Variants in WDFY4 observed in about 807,000 individuals in gnomAD.
The protein encoded by WDFY4 is WDFY family member 4.
In WDFY4, 169 loss-of-function variants were observed where a neutral mutation model predicts 351.9. The observed-to-expected ratio is 0.48, with a 90% confidence interval of 0.42 to 0.55. The LOEUF (loss-of-function observed/expected upper bound fraction) is 0.55, where lower values mean the gene tolerates loss of function less well. Ranked by LOEUF, WDFY4 falls within the 20% of genes least tolerant of loss-of-function variation. WDFY4 has a pLI of 0.00. For missense variants in WDFY4, 3,803 were observed against 3,935.6 expected, an observed-to-expected ratio of 0.97 and a Z score of 0.90; for synonymous variants, 1,622 against 1,574.6, an observed-to-expected ratio of 1.03 and a Z score of -0.71.
chr10:48,897,233 A>C (rs1251706857), intron 44 of WDFY4, among the ~76,000 whole-genome samples: 1 of 152,110 alleles, frequency 6.6e-6, no homozygotes, highest in Non-Finnish European at 1.5e-5. Flanking sequence ...GGCAGCTTTC[A>C]CGTGTCAGCG....
In WDFY4 at chr10:48,946,027, A is replaced by G. The variant is rs1841027064; in HGVS notation, c.7750-13A>G. On this transcript the variant is annotated splice_polypyrimidine_tract_variant and intron_variant, in intron 49 of 61. Coordinates refer to ENST00000325239, the MANE Select transcript of WDFY4 (RefSeq NM_001394531.1). ...TCTGGGGAGTTAACTCCAGCTGCACATCTGCCTTCTAGACATTGAACTTGG... is the reference window on the plus strand; with the variant it reads ...TCTGGGGAGTTAACTCCAGCTGCACGTCTGCCTTCTAGACATTGAACTTGG... 1 of 1,525,262 alleles carries G rather than the reference A, an allele frequency of 6.6e-7. No individual in the cohort carries two copies. Among genetic ancestry groups the G allele is most frequent in the East Asian group, 2.5e-5 (1 of 40,010 alleles). 94.5% of individuals were successfully genotyped at this position (1,525,262 alleles called of 1,614,324 possible).
chr10:48,885,741 TATAG>T (rs1350079315), intron 43 of WDFY4, among the ~76,000 whole-genome samples: 1 of 152,078 alleles, frequency 6.6e-6, no homozygotes, highest in African/African-American at 2.4e-5. Context: ...TCTCTATATA[TATAG>T]ATAGATAGGT....
intron 39 of WDFY4, among the ~76,000 whole-genome samples, chr10:48,842,076 T>C (rs544047951): frequency 6.6e-6 from 1 of 152,138 alleles, no homozygotes; most frequent in East Asian, 1.9e-4. Context: ...CCTCAACTTC[T>C]TCTTGGATGA....
At chr10:48,930,888 G>T (rs1350812011) in intron 47 of WDFY4, among the ~76,000 whole-genome samples, 1 of 152,084 alleles carries the variant, frequency 6.6e-6, no homozygotes, top group Admixed American at 6.5e-5. Flanking sequence ...GTGTTCTCTG[G>T]CACACATGCA....
At chr10:48,732,849 A>G (rs1223420673) in intron 9 of WDFY4, among the ~76,000 whole-genome samples, 2 of 152,230 alleles carry the variant, frequency 1.3e-5, no homozygotes, top group Non-Finnish European at 2.9e-5. Flanking sequence ...TATGGAGGCC[A>G]GGATGGACCC....
chr10:48,755,242 T>A (rs568082054), intron 12 of WDFY4, among the ~76,000 whole-genome samples: 5 of 152,178 alleles, frequency 3.3e-5, no homozygotes, highest in Non-Finnish European at 4.4e-5. Context: ...ATTTTGTGTG[T>A]ATCAGTAGTT....
At chr10:48,789,837 G>A in intron 21 of WDFY4, 37 bp from the exon 22 acceptor site, 1 of 1,547,766 alleles carries the variant, frequency 6.5e-7, no homozygotes, top group Non-Finnish European at 8.7e-7. Flanking sequence ...TTCTTTTGCA[G>A]GACTTTCTTA....
chr10:48,805,296 A>G lies in WDFY4; in HGVS notation c.4521A>G (p.Ala1507=), dbSNP rs776039983. 41 of 1,546,770 alleles carry G rather than the reference A, an allele frequency of 2.7e-5. No individual in the cohort carries two copies. The highest frequency in any genetic ancestry group is 2.0e-5 in the Admixed American group (1 of 50,994). ...GPRNAEAAHQ[A]QLIPKLIFLF... ...GGAATGCTGAAGCTGCCCACCAGGC[A>G]CAGCTTATACCCAAGCTCATCTTCC... Residue 1507 remains alanine, a synonymous_variant, in exon 26 of 62, where the codon GCA becomes GCG. Coordinates refer to ENST00000325239, the MANE Select transcript of WDFY4 (RefSeq NM_001394531.1).
chr10:48,772,466 A>G (rs1347674362), intron 13 of WDFY4, among the ~76,000 whole-genome samples: 1 of 133,522 alleles, frequency 7.5e-6, no homozygotes, highest in Non-Finnish European at 1.6e-5. Context: ...TTGGGTGGGT[A>G]GGGCTCCATG....
chr10:48,921,035 C>T (rs1196984679), intron 47 of WDFY4, among the ~76,000 whole-genome samples: 4 of 151,958 alleles, frequency 2.6e-5, no homozygotes, highest in South Asian at 2.1e-4. Flanking sequence ...ATACCATGTT[C>T]GTGAATTGGA....
At chr10:48,689,837 C>T (rs1014438908) in intron 1 of WDFY4, among the ~76,000 whole-genome samples, 1 of 152,206 alleles carries the variant, frequency 6.6e-6, no homozygotes, top group Non-Finnish European at 1.5e-5. Flanking sequence ...CTTGTACTTG[C>T]AAGCTCACTT....
chr10:48,974,515 A>AAAAAAAAAAAAAAAAAAC, intron 57 of WDFY4, among the ~76,000 whole-genome samples: 1 of 20,918 alleles, frequency 4.8e-5, no homozygotes, highest in Non-Finnish European at 4.5e-4. Context: ...AAAAAAAAAA[A>AAAAAAAAAAAAAAAAAAC]AAAAAAAAAA....
chr10:48,962,777 G>C (rs1273001449), intron 53 of WDFY4, among the ~76,000 whole-genome samples: 1 of 152,210 alleles, frequency 6.6e-6, no homozygotes, highest in African/African-American at 2.4e-5. Context: ...CTCCATGTTT[G>C]AGTTGAGAAT....
At chr10:48,900,545 T>C (rs1475359546) in intron 46 of WDFY4, among the ~76,000 whole-genome samples, 2 of 152,206 alleles carry the variant, frequency 1.3e-5, no homozygotes, top group African/African-American at 4.8e-5. Flanking sequence ...TTTCCTGAAC[T>C]GAAGTGGCAT....
chr10:48,701,424 C>G (rs776361868), intron 1 of WDFY4, among the ~76,000 whole-genome samples: 9 of 152,182 alleles, frequency 5.9e-5, no homozygotes, highest in Non-Finnish European at 1.0e-4. Context: ...TTTGGGTATA[C>G]TTTTACTTTT....
intron 1 of WDFY4, among the ~76,000 whole-genome samples, chr10:48,695,437 G>A (rs2063306376): frequency 6.6e-6 from 1 of 152,216 alleles, no homozygotes; most frequent in African/African-American, 2.4e-5. Flanking sequence ...TTGAGTGCTG[G>A]AAGAGGGAAC....
At chr10:48,688,753 A>G (rs1296763947) in intron 1 of WDFY4, among the ~76,000 whole-genome samples, 3 of 152,292 alleles carry the variant, frequency 2.0e-5, no homozygotes, top group Non-Finnish European at 2.9e-5. Flanking sequence ...CCCCAAAGTG[A>G]TAATAGTTGA....
intron 32 of WDFY4, among the ~76,000 whole-genome samples, chr10:48,818,023 G>A (rs1412673942): frequency 6.6e-6 from 1 of 152,246 alleles, no homozygotes. Context: ...AAGCTTGGCT[G>A]GGTCAGGGCC....
chr10:48,719,848 A>G (rs969037491), intron 2 of WDFY4, among the ~76,000 whole-genome samples, 163 bp from the exon 3 acceptor site: 1 of 152,076 alleles, frequency 6.6e-6, no homozygotes, highest in Admixed American at 6.5e-5. Context: ...TATAGGGATG[A>G]TGGTTGAGGC....
Sources: gnomAD v4.1 joint callset for allele counts (sites outside exome capture counted in the v4.1 genomes callset) on GRCh38, gnomAD v4.1.1 for gene constraint, MANE v1.5 for transcripts, NCBI Gene and HGNC (gene_info 2026-07-23, HGNC 2026-07-21) for gene names.